The following RASA3 variants were observed in gnomAD, a reference collection of about 807,000 sequenced individuals.
The protein encoded by RASA3 is ras GTPase-activating protein 3.
A neutral mutation model predicts 110.0 loss-of-function variants in RASA3; 73 were observed. The ratio of observed to expected loss-of-function variants is 0.66; its 90% CI spans 0.55 to 0.81. RASA3 has a LOEUF of 0.81. Ranked by LOEUF, RASA3 falls within the 30% of genes least tolerant of loss-of-function variation. The pLI is 0.00. For synonymous variants in RASA3, 500 were observed against 451.4 expected, an observed-to-expected ratio of 1.11 and a Z score of -1.37; for missense variants, 976 against 1,113.2, an observed-to-expected ratio of 0.88 and a Z score of 1.75.
chr13:114,028,249 G>A (rs35657947), intron 5 of RASA3, among the ~76,000 whole-genome samples: 7,777 of 37,916 alleles, frequency 0.21, 88 homozygotes, highest in African/African-American at 0.3. Context: ...CTGGGGGCCA[G>A]GACCCCTAAA....
In RASA3 at chr13:114,008,977, T is replaced by C. The variant is rs915854935; in HGVS notation, c.1668+410A>G. ...TCCCCACGCACCGCGTTCCTAACTG[T>C]GGGGAGGAGCAGAGCCCTGCGGTCT... On this transcript the variant is annotated intron_variant, in intron 17 of 23. Transcript: ENST00000334062. Among the ~76,000 whole-genome samples, 5 of 146,308 alleles carry C rather than the reference T, an allele frequency of 3.4e-5. 1 individual carries two copies. Among genetic ancestry groups the C allele is most frequent in the Non-Finnish European group, 7.6e-5 (5 of 65,958 alleles).
At chr13:114,047,832 G>C (rs2079078601) in intron 3 of RASA3, among the ~76,000 whole-genome samples, 1 of 152,230 alleles carries the variant, frequency 6.6e-6, no homozygotes, top group Non-Finnish European at 1.5e-5. Context: ...AGGCCTCAGA[G>C]CAGTGGCTGC....
chr13:114,032,138 A>T (rs1316652732), intron 4 of RASA3, among the ~76,000 whole-genome samples: 1 of 152,160 alleles, frequency 6.6e-6, no homozygotes, highest in African/African-American at 2.4e-5. Context: ...ATGTCCCTAA[A>T]TTGTTTTTCA....
intron 23 of RASA3, among the ~76,000 whole-genome samples, chr13:113,980,357 T>C (rs2139030391): frequency 7.0e-6 from 1 of 143,626 alleles, no homozygotes. Context: ...TCCTGCCATG[T>C]GTGTGCGCCT....
intron 1 of RASA3, among the ~76,000 whole-genome samples, chr13:114,081,759 A>C (rs942523531): frequency 6.6e-6 from 1 of 152,210 alleles, no homozygotes; most frequent in Non-Finnish European, 1.5e-5. Flanking sequence ...ATAACGAGGA[A>C]AGAGAAGGCA....
chr13:114,079,974 C>T (rs1380789137), intron 1 of RASA3, among the ~76,000 whole-genome samples: 1 of 152,232 alleles, frequency 6.6e-6, no homozygotes, highest in African/African-American at 2.4e-5. Context: ...GACCCTGACC[C>T]CCACGACCCC....
At chr13:114,069,209 G>A (rs939550211) in intron 2 of RASA3, among the ~76,000 whole-genome samples, 15 of 151,990 alleles carry the variant, frequency 9.9e-5, no homozygotes, top group African/African-American at 3.1e-4. Context: ...GTCAGACGGC[G>A]ATATTGGGCA....
At chr13:114,038,182 G>C (rs963057965) in intron 4 of RASA3, among the ~76,000 whole-genome samples, 6 of 152,232 alleles carry the variant, frequency 3.9e-5, no homozygotes, top group African/African-American at 1.4e-4. Flanking sequence ...CTGCTCAGAG[G>C]CCGTTGTGAC....
At chr13:114,118,954 C>A (rs1469558469) in intron 1 of RASA3, among the ~76,000 whole-genome samples, 1 of 152,248 alleles carries the variant, frequency 6.6e-6, no homozygotes, top group Non-Finnish European at 1.5e-5. Context: ...GAGCACAGAA[C>A]TAAATGGTCA....
intron 6 of RASA3, 101 bp from the exon 7 acceptor site, chr13:114,027,562 C>T (rs775913180): frequency 1.9e-4 from 169 of 896,148 alleles, no homozygotes; most frequent in Admixed American, 2.5e-4. Flanking sequence ...CACTTATTGG[C>T]TTTATTTATT....
At chr13:114,107,334 G>C (rs574592481) in intron 1 of RASA3, among the ~76,000 whole-genome samples, 1 of 151,800 alleles carries the variant, frequency 6.6e-6, no homozygotes, top group Non-Finnish European at 1.5e-5. Flanking sequence ...TCCCTCCTTC[G>C]TGTCCTGACC....
chr13:114,003,657 C>T (rs764549108), intron 18 of RASA3, among the ~76,000 whole-genome samples: 5 of 114,356 alleles, frequency 4.4e-5, no homozygotes, highest in Non-Finnish European at 9.0e-5. Context: ...GTAATATATT[C>T]TGTGTCCTTG....
rs1287767900 is a variant in RASA3 at position 114,015,242 on chromosome 13, A to G, written c.1372T>C (p.Ser458Pro). Reference protein sequence around the residue: ...CPTVMCDIFFSLREAAAKRFQ... With the variant: ...CPTVMCDIFFPLREAAAKRFQ... ...CGCTTGGCCGCCGCCTCCCGGAGGG[A>G]GAAGAAGATGTCACACATGACGGTC... is the stretch of plus-strand genomic sequence containing the variant. Residue 458 changes from serine (S) to proline (P), a missense_variant, in exon 14 of 24, where the codon TCC becomes CCC. Ser to Pro is a moderately conservative substitution (Grantham distance 74, BLOSUM62 -1). This residue lies in a region of RASA3 where 732 missense variants were observed against 779.7 expected (regional missense o/e 0.94). Transcript: ENST00000334062. 6.2e-7 allele frequency: 1 copy of G among 1,613,006 alleles called. No individual in the cohort carries two copies. Among genetic ancestry groups the G allele is most frequent in the Non-Finnish European group, 8.5e-7 (1 of 1,179,898 alleles).
chr13:114,083,369 C>A (rs1170639973), intron 1 of RASA3, among the ~76,000 whole-genome samples: 5 of 152,232 alleles, frequency 3.3e-5, no homozygotes, highest in East Asian at 1.9e-4. Context: ...ACATTCCTGG[C>A]CGATTTCAAG....
intron 3 of RASA3, among the ~76,000 whole-genome samples, chr13:114,050,577 C>G (rs930872699): frequency 1.3e-5 from 2 of 152,220 alleles, no homozygotes; most frequent in Non-Finnish European, 2.9e-5. Context: ...CAGGTGAGGC[C>G]CTGCCCGGCC....
intron 22 of RASA3, among the ~76,000 whole-genome samples, chr13:113,991,048 T>A (rs77383972): frequency 1.0e-4 from 4 of 39,498 alleles, no homozygotes; most frequent in South Asian, 9.2e-4. Context: ...TGGGCAGCTG[T>A]GCGGACACCC....
Position 114,048,043 on chromosome 13 carries a change from C to T in RASA3, c.277+4009G>A, listed in dbSNP as rs2079081456. ...AAAGAACGGAGGTCTCGGCCGGGCG[C>T]GGTGGCTCACGCCTGTAATCCCAGC... On this transcript the variant is annotated intron_variant, in intron 3 of 23. Transcript: ENST00000334062. The surrounding 1 kb of genome is among the most constrained non-coding windows in gnomAD (Gnocchi z 4.3). Among the ~76,000 whole-genome samples the T allele has an allele frequency of 1.3e-5, 2 of 152,032 alleles. No homozygotes were observed. Among genetic ancestry groups the T allele is most frequent in the Non-Finnish European group, 2.9e-5 (2 of 68,002 alleles).
At chr13:114,070,914 ACGTGGGC>A (rs1488261875) in intron 2 of RASA3, among the ~76,000 whole-genome samples, 4 of 101,816 alleles carry the variant, frequency 3.9e-5, no homozygotes, top group African/African-American at 1.7e-4. Flanking sequence ...ACAGTTTTAC[ACGTGGGC>A]AGGGCTGCCG....
intron 1 of RASA3, among the ~76,000 whole-genome samples, chr13:114,090,231 G>A (rs964103035): frequency 6.6e-6 from 1 of 152,214 alleles, no homozygotes; most frequent in Non-Finnish European, 1.5e-5. Flanking sequence ...GCCCAGGGCC[G>A]TGCCTTCACA....
Sources: allele counts gnomAD v4.1 joint callset (sites outside exome capture counted in the v4.1 genomes callset), GRCh38; gene constraint gnomAD v4.1.1; regional missense constraint gnomAD v4.1.1; non-coding constraint Gnocchi (gnomAD v3.1); transcripts MANE v1.5; gene names NCBI Gene and HGNC (gene_info 2026-07-23, HGNC 2026-07-21).